Variants in LYST observed in about 807,000 individuals in gnomAD.
LYST encodes the protein lysosomal-trafficking regulator.
A neutral mutation model predicts 413.6 loss-of-function variants in LYST; 192 were observed. That is an observed-to-expected ratio of 0.46 (90% CI 0.41 to 0.52). The LOEUF (loss-of-function observed/expected upper bound fraction) is 0.52. Ranked by LOEUF, LYST falls within the 20% of genes least tolerant of loss-of-function variation. LYST has a pLI of 0.00. For synonymous variants in LYST, 1,525 were observed against 1,567.3 expected (o/e 0.97, Z 0.64); for missense variants, 3,815 against 4,499.9 (o/e 0.85, Z 4.35).
chr1:235,852,703 C>T (rs138144356), intron 1 of LYST, among the ~76,000 whole-genome samples: 20 of 152,060 alleles, frequency 1.3e-4, no homozygotes, highest in African/African-American at 3.6e-4. Flanking sequence ...TGCCAGAGTT[C>T]GCATTTAATA....
At chr1:235,816,300 G>A (rs1008630436) in intron 3 of LYST, among the ~76,000 whole-genome samples, 1 of 150,762 alleles carries the variant, frequency 6.6e-6, no homozygotes, top group Non-Finnish European at 1.5e-5. Context: ...AATTAGCCAG[G>A]CATGATGCCA....
At chr1:235,796,630 G>A (rs1033727477) in intron 10 of LYST, among the ~76,000 whole-genome samples, 1 of 152,180 alleles carries the variant, frequency 6.6e-6, no homozygotes. Context: ...GTCATGAGGA[G>A]TCTGCCCTCA....
At chr1:235,855,427 C>G (rs2103123412) in intron 1 of LYST, among the ~76,000 whole-genome samples, 1 of 152,288 alleles carries the variant, frequency 6.6e-6, no homozygotes, top group East Asian at 1.9e-4. Context: ...ACTACCGAAA[C>G]ACCTTAAAAA....
chr1:235,843,493 G>A (rs977095360), intron 1 of LYST, among the ~76,000 whole-genome samples: 1 of 152,082 alleles, frequency 6.6e-6, no homozygotes, highest in African/African-American at 2.4e-5. Context: ...TGGAGCCTAA[G>A]AAATTATATA....
chr1:235,721,504 T>A (rs549311555), intron 39 of LYST, among the ~76,000 whole-genome samples: 2 of 152,022 alleles, frequency 1.3e-5, no homozygotes, highest in Non-Finnish European at 2.9e-5. Flanking sequence ...AAATAATGAT[T>A]GCTAATAAAT....
chr1:235,716,602 A>G, intron 41 of LYST, 110 bp downstream of exon 41: 1 of 697,894 alleles, frequency 1.4e-6, no homozygotes, highest in Middle Eastern at 3.9e-4. Context: ...CAATCCTAGT[A>G]CAAGAAGGTA....
Position 235,857,788 on chromosome 1 carries a change from T to C in LYST, c.-98+9055A>G, listed in dbSNP as rs79801442. Among the ~76,000 whole-genome samples, 1,206 of 143,592 alleles carry C rather than the reference T, an allele frequency of 8.4e-3. 25 individuals carry two copies. In the South Asian group the frequency reaches 0.093, roughly 11 times the overall value. 94.2% of individuals were successfully genotyped at this position (143,592 alleles called of 152,430 possible). A position where few individuals can be genotyped will look rare whatever the true frequency, so the allele number is the denominator to read the frequency against. ...ACACACACACACACACACACACATA[T>C]ATATATAAAATTTCACAAGCCAAGA... is the stretch of plus-strand genomic sequence containing the variant. On this transcript the variant is annotated intron_variant, in intron 1 of 52. Coordinates refer to ENST00000389793, the MANE Select transcript of LYST (RefSeq NM_000081.4).
chr1:235,853,957 T>C (rs1028934976), intron 1 of LYST, among the ~76,000 whole-genome samples: 1 of 152,040 alleles, frequency 6.6e-6, no homozygotes, highest in African/African-American at 2.4e-5. Context: ...TTCTGAGATA[T>C]TGTAGCTATA....
At chr1:235,791,196 C>A (rs754676044) in intron 12 of LYST, among the ~76,000 whole-genome samples, 42 of 152,046 alleles carry the variant, frequency 2.8e-4, no homozygotes, top group Non-Finnish European at 5.1e-4. Context: ...GCAGGAGAAT[C>A]GCTTGAACCT....
At chr1:235,766,015 T>C in intron 21 of LYST, 64 bp downstream of exon 21, 1 of 1,199,594 alleles carries the variant, frequency 8.3e-7, no homozygotes, top group Non-Finnish European at 1.2e-6. Flanking sequence ...CAAATGTGAA[T>C]CAAGTGGGAA....
rs1443890497 is a variant in LYST at position 235,753,340 on chromosome 1, AC to A, written c.7230-67del. 4.2e-6 allele frequency: 4 copies of A among 957,348 alleles called. No individual in the cohort carries two copies. In the African/African-American group the frequency reaches 4.9e-5, roughly 12 times the overall value. 59.3% of individuals were successfully genotyped at this position (957,348 alleles called of 1,614,324 possible). A position where few individuals can be genotyped will look rare whatever the true frequency, so the allele number is the denominator to read the frequency against. ...CACAAAATAAGAAAATATGATAGCA[AC>A]TATGGGTCATCTTGCTAACTTGATT... On this transcript the variant is annotated intron_variant, in intron 25 of 52. Coordinates refer to ENST00000389793, the MANE Select transcript of LYST (RefSeq NM_000081.4).
chr1:235,780,986 G>T lies in LYST; in HGVS notation c.5093C>A (p.Pro1698Gln). Residue 1698 changes from proline (P) to glutamine (Q), a missense_variant, in exon 16 of 53, where the codon CCA becomes CAA. Physicochemically the swap from Pro to Gln is moderately conservative, Grantham distance 76. Around this residue, in one of 4 missense-constraint regions of LYST, gnomAD observed 530 missense variants for 696.5 expected, o/e 0.76. Transcript: ENST00000389793. ...ACGPNHTSVM[P>Q]CKYGKPVNDY... is the part of the protein sequence containing the mutation. Reference sequence around the variant, plus strand: ...ATTGACTGGCTTGCCATACTTACATGGCATTACAGATGTATGGTTGGGTCC... The same window carrying T: ...ATTGACTGGCTTGCCATACTTACATTGCATTACAGATGTATGGTTGGGTCC... The T allele has an allele frequency of 6.2e-7, 1 of 1,610,348 alleles. No individual in the cohort carries two copies. The highest frequency in any genetic ancestry group is 8.5e-7 in the Non-Finnish European group (1 of 1,177,570).
chr1:235,859,655 T>A (rs1679637042), intron 1 of LYST, among the ~76,000 whole-genome samples: 1 of 152,130 alleles, frequency 6.6e-6, no homozygotes, highest in African/African-American at 2.4e-5. Context: ...ATTATCTGCA[T>A]CCCCATTCAC....
Position 235,792,444 on chromosome 1 carries a change from AG to A in LYST, c.4117-320del, listed in dbSNP as rs531018718. Among the ~76,000 whole-genome samples, 681 of 151,476 alleles carry A rather than the reference AG, an allele frequency of 4.5e-3. 3 individuals carry two copies. The highest frequency in any genetic ancestry group is 0.016 in the African/African-American group (650 of 41,276). The stretch of plus-strand genomic sequence containing the variant: ...ATTCTCCTGCCTCAGCCTCTGGAGT[AG>A]CTGGCATTACAGGCACCCACCACCA... On this transcript the variant is annotated intron_variant, in intron 11 of 52. Transcript: ENST00000389793.
At chr1:235,878,505 C>T (rs556151782) in intron 1 of LYST, among the ~76,000 whole-genome samples, 36 of 152,256 alleles carry the variant, frequency 2.4e-4, no homozygotes, top group African/African-American at 8.4e-4. Flanking sequence ...GCCCTGCTTC[C>T]GCCATTGTGG....
chr1:235,870,439 A>G (rs562784963), upstream of LYST, among the ~76,000 whole-genome samples: 1 of 152,230 alleles, frequency 6.6e-6, no homozygotes, highest in East Asian at 1.9e-4. Flanking sequence ...CATTTTCTGT[A>G]TGTCACTTTC....
chr1:235,680,048 TA>T (rs1301280330), intron 48 of LYST, among the ~76,000 whole-genome samples: 1 of 151,808 alleles, frequency 6.6e-6, no homozygotes, highest in Admixed American at 6.6e-5. Flanking sequence ...TAAGACTGAA[TA>T]AAAATATATT....
chr1:235,780,792 A>G lies in LYST; in HGVS notation c.5214+73T>C, dbSNP rs576769578. On this transcript the variant is annotated intron_variant, in intron 16 of 52. Transcript: ENST00000389793. ...ATTAAAATCTTTAGAAATCTAATTC[A>G]TAACTATACATTACAATAAATATAC... 545 of 526,580 alleles carry G rather than the reference A, an allele frequency of 1.0e-3. 2 individuals carry two copies. Among genetic ancestry groups the G allele is most frequent in the African/African-American group, 9.9e-3 (500 of 50,356 alleles). The allele number at this position is 526,580 out of a possible 1,614,324, so 32.6% of individuals were successfully genotyped here. A position where few individuals can be genotyped will look rare whatever the true frequency, so the allele number is the denominator to read the frequency against.
chr1:235,877,839 T>C (rs1171832297), intron 1 of LYST, among the ~76,000 whole-genome samples: 1 of 127,606 alleles, frequency 7.8e-6, no homozygotes, highest in Non-Finnish European at 1.6e-5. Flanking sequence ...CGGAAGTATC[T>C]GACAATATCT....
Sources: gnomAD v4.1 joint callset for allele counts (sites outside exome capture counted in the v4.1 genomes callset) on GRCh38, gnomAD v4.1.1 for gene constraint, gnomAD v4.1.1 regional missense constraint, MANE v1.5 for transcripts, NCBI Gene and HGNC (gene_info 2026-07-23, HGNC 2026-07-21) for gene names.